The following KDM2A variants were observed in gnomAD, a reference collection of about 807,000 sequenced individuals.
The protein encoded by KDM2A is lysine-specific demethylase 2A.
In KDM2A, 3 loss-of-function variants were observed where a neutral mutation model predicts 137.3. The observed-to-expected ratio is 0.02, with a 90% CI of 0.01 to 0.06. The LOEUF (loss-of-function observed/expected upper bound fraction) is 0.06, where lower values mean the gene tolerates loss of function less well. Among genes scored for constraint, KDM2A ranks in the 10% least tolerant of loss-of-function variants. KDM2A has a pLI of 1.00. For missense variants in KDM2A, 738 were observed against 1,510.6 expected (o/e 0.49, Z 8.48); for synonymous variants, 512 against 541.5 (o/e 0.95, Z 0.76).
intron 5 of KDM2A, among the ~76,000 whole-genome samples, chr11:67,203,753 CAAAAG>C (rs1487927840): frequency 8.1e-4 from 121 of 149,530 alleles, no homozygotes; most frequent in African/African-American, 2.2e-3. Flanking sequence ...GGCCCCATCT[CAAAAG>C]GAAAAAAGAA....
At chr11:67,168,424 C>T (rs1251589898) in intron 2 of KDM2A, among the ~76,000 whole-genome samples, 2 of 152,018 alleles carry the variant, frequency 1.3e-5, no homozygotes, top group Non-Finnish European at 2.9e-5. Context: ...AATTTATTTA[C>T]ATATTTGTTG....
rs761073927 is a variant in KDM2A, at chr11:67,207,608, G to A, written c.406G>A (p.Glu136Lys). The A allele has an allele frequency of 6.2e-7, 1 of 1,613,810 alleles. No individual in the cohort carries two copies. Among genetic ancestry groups the A allele is most frequent in the Non-Finnish European group, 8.5e-7 (1 of 1,179,812 alleles). The change falls in exon 6 of 21, where the codon GAG becomes AAG. Residue 136 changes from glutamate (E) to lysine (K), a missense_variant. By Grantham distance (56) the Glu-to-Lys change is moderately conservative. This residue lies in a region of KDM2A where 74 missense variants were observed against 181.8 expected (regional missense o/e 0.41). Coordinates refer to ENST00000529006, the MANE Select transcript of KDM2A (RefSeq NM_012308.3). ...WTRYYETPEE[E>K]REKLYNVISL... ...ACGCTACTATGAGACCCCAGAGGAG[G>A]AGCGAGAGAAACTCTATAATGTCAT...
chr11:67,154,945 C>CT (rs1856480383), intron 2 of KDM2A, among the ~76,000 whole-genome samples: 1 of 152,162 alleles, frequency 6.6e-6, no homozygotes, highest in Admixed American at 6.6e-5. Flanking sequence ...TTGTTTCTAC[C>CT]TTTTAGCTAC....
chr11:67,166,176 AAT>A (rs1856738182), intron 2 of KDM2A, among the ~76,000 whole-genome samples: 2 of 151,604 alleles, frequency 1.3e-5, no homozygotes, highest in African/African-American at 2.4e-5. Context: ...CAGGAGAAAC[AAT>A]ATTTCTCTTT....
At chr11:67,148,239 T>C (rs1201981490) in intron 2 of KDM2A, among the ~76,000 whole-genome samples, 2 of 151,174 alleles carry the variant, frequency 1.3e-5, no homozygotes, top group Non-Finnish European at 1.5e-5. Flanking sequence ...CTGGACAACA[T>C]TGCAAGACCG....
At chr11:67,175,372 G>A (rs754925766) in intron 2 of KDM2A, among the ~76,000 whole-genome samples, 2 of 152,130 alleles carry the variant, frequency 1.3e-5, no homozygotes, top group Admixed American at 6.5e-5. Flanking sequence ...AAGGGTCAAG[G>A]CTACAGTGAG....
At chr11:67,208,221 A>T (rs11227734) in intron 6 of KDM2A, among the ~76,000 whole-genome samples, 13,111 of 151,266 alleles carry the variant, frequency 0.087, 1,911 homozygotes, top group African/African-American at 0.3. Context: ...TTAAAATTTT[A>T]AAATTTATTA....
At chr11:67,198,828 G>T (rs1469870059) in intron 5 of KDM2A, among the ~76,000 whole-genome samples, 1 of 151,836 alleles carries the variant, frequency 6.6e-6, no homozygotes, top group East Asian at 1.9e-4. Context: ...GCCCAGGCTG[G>T]AATGCAGTGG....
At chr11:67,215,802 G>A (rs1858142777) in intron 7 of KDM2A, 54 bp from the exon 8 acceptor site, 2 of 1,311,966 alleles carry the variant, frequency 1.5e-6, no homozygotes, top group South Asian at 1.2e-5. Context: ...TTTTGGTGGG[G>A]CAGATGTACT....
intron 9 of KDM2A, among the ~76,000 whole-genome samples, chr11:67,218,486 G>A (rs1302761545): frequency 6.6e-6 from 1 of 152,076 alleles, no homozygotes; most frequent in Non-Finnish European, 1.5e-5. Flanking sequence ...AGCCCAGGAT[G>A]GCTTTGAATG....
intron 10 of KDM2A, among the ~76,000 whole-genome samples, chr11:67,222,322 T>C (rs1202519563): frequency 1.2e-3 from 63 of 52,430 alleles, no homozygotes; most frequent in African/African-American, 4.1e-3. Flanking sequence ...AAGCACATCT[T>C]GCACCGCCCT....
intron 17 of KDM2A, chr11:67,252,451 A>T (rs1033593352): frequency 2.0e-6 from 1 of 510,028 alleles, no homozygotes; most frequent in Non-Finnish European, 3.6e-6. Flanking sequence ...AGAATAAATC[A>T]GGGTAAAGTG....
intron 6 of KDM2A, among the ~76,000 whole-genome samples, chr11:67,213,768 A>T (rs1038184630): frequency 2.0e-5 from 3 of 152,052 alleles, no homozygotes; most frequent in African/African-American, 7.2e-5. Context: ...AAAAAAAAAA[A>T]AAAAAGATTT....
At chr11:67,168,693 CTATCCACATATGG>C in intron 2 of KDM2A, among the ~76,000 whole-genome samples, 1 of 150,242 alleles carries the variant, frequency 6.7e-6, no homozygotes, top group East Asian at 2.0e-4. Flanking sequence ...CAATGTCCGT[CTATCCACATATGG>C]CCCAGTGTGT....
At chr11:67,240,058 T>C in intron 12 of KDM2A, 1 of 1,315,706 alleles carries the variant, frequency 7.6e-7, no homozygotes, top group Non-Finnish European at 9.7e-7. Context: ...TTGCAAAGCA[T>C]TTCTGGGAGC....
At chr11:67,182,387 G>A (rs1287030434) in intron 5 of KDM2A, among the ~76,000 whole-genome samples, 1 of 152,102 alleles carries the variant, frequency 6.6e-6, no homozygotes, top group Non-Finnish European at 1.5e-5. Flanking sequence ...GAAAAAGAAA[G>A]CAAATTAATC....
chr11:67,123,919 C>T (rs756248993), intron 2 of KDM2A, among the ~76,000 whole-genome samples: 15 of 151,488 alleles, frequency 9.9e-5, no homozygotes, highest in African/African-American at 2.7e-4. Flanking sequence ...TCAGATGATC[C>T]GCCTGTCTTG....
At chr11:67,182,180 T>C (rs998108706) in intron 5 of KDM2A, among the ~76,000 whole-genome samples, 2 of 152,136 alleles carry the variant, frequency 1.3e-5, no homozygotes, top group Admixed American at 1.3e-4. Flanking sequence ...ACCGAAAACT[T>C]ACATCTCTTA....
chr11:67,250,134 C>T lies in KDM2A; in HGVS notation c.2104C>T (p.Leu702=), dbSNP rs746835057. 19 of 1,611,126 alleles carry T rather than the reference C, an allele frequency of 1.2e-5. No individual in the cohort carries two copies. Among genetic ancestry groups the T allele is most frequent in the Non-Finnish European group, 1.5e-5 (18 of 1,178,602 alleles). Residue 702 remains leucine (L), a synonymous_variant, in exon 17 of 21, where the codon CTG becomes TTG. Coordinates refer to ENST00000529006, the MANE Select transcript of KDM2A (RefSeq NM_012308.3). This position sits in a 1 kb window ranked among gnomAD's most constrained non-coding sequence, Gnocchi z 7.1. Reference sequence around the variant, plus strand: ...CGAAGAAGCTGTGCAAGCCAAAGTCCTGCGGCCCCTGCGGAGCTGCGATGA... The same window carrying T: ...CGAAGAAGCTGTGCAAGCCAAAGTCTTGCGGCCCCTGCGGAGCTGCGATGA... ...SDEEAVQAKV[L]RPLRSCDEPL...
Sources: allele counts gnomAD v4.1 joint callset (sites outside exome capture counted in the v4.1 genomes callset), GRCh38; gene constraint gnomAD v4.1.1; regional missense constraint gnomAD v4.1.1; non-coding constraint Gnocchi (gnomAD v3.1); transcripts MANE v1.5; gene names NCBI Gene and HGNC (gene_info 2026-07-23, HGNC 2026-07-21).